Variants in SLC39A10 observed in about 807,000 individuals in gnomAD.
SLC39A10 encodes zinc transporter ZIP10.
A neutral mutation model predicts 65.1 loss-of-function variants in SLC39A10; 13 were observed. The observed-to-expected ratio is 0.20, with a 90% CI of 0.13 to 0.32. The LOEUF is 0.32. SLC39A10 is among the 10% of genes least tolerant of loss of function. The pLI is 1.00. For synonymous variants in SLC39A10, 321 were observed against 342.2 expected (o/e 0.94, Z 0.68); for missense variants, 831 against 1,018.4 (o/e 0.82, Z 2.50).
At chr2:195,684,034 A>C in intron 3 of SLC39A10, 128 bp downstream of exon 3, 1 of 731,424 alleles carries the variant, frequency 1.4e-6, no homozygotes, top group South Asian at 2.0e-5. Context: ...ATATATTTTA[A>C]TCAGGTTTAG....
At chr2:195,645,145 G>A (rs1688888616) in intron 2 of SLC39A10, among the ~76,000 whole-genome samples, 1 of 151,922 alleles carries the variant, frequency 6.6e-6, no homozygotes, top group Non-Finnish European at 1.5e-5. Flanking sequence ...CCGACCTCAG[G>A]TGATCCGCCT....
intron 2 of SLC39A10, among the ~76,000 whole-genome samples, chr2:195,642,038 G>A (rs1175150733): frequency 6.6e-6 from 1 of 152,176 alleles, no homozygotes; most frequent in Non-Finnish European, 1.5e-5. Context: ...AATCTGCAGA[G>A]ATAATATGGG....
At chr2:195,642,554 C>T (rs1688832713) in intron 2 of SLC39A10, among the ~76,000 whole-genome samples, 1 of 152,146 alleles carries the variant, frequency 6.6e-6, no homozygotes, top group Non-Finnish European at 1.5e-5. Flanking sequence ...AAGTCCATGT[C>T]ACCAGTATAC....
Position 195,615,478 on chromosome 2 carries a change from T to A in SLC39A10, c.-12+9245T>A, listed in dbSNP as rs991083259. On this transcript the variant is annotated intron_variant, in intron 2 of 2. Coordinates refer to the SLC39A10 transcript ENST00000458054. ...ATGACCGGCCATCTGGCCAGTTTTT[T>A]AAAAATATACAGGTGTTTAGTTTCC... Among the ~76,000 whole-genome samples the A allele has an allele frequency of 5.9e-5, 9 of 152,166 alleles. No individual in the cohort carries two copies. The South Asian group carries it at 1.2e-3, about 21-fold the overall frequency.
At chr2:195,683,996 T>C (rs1690431401) in intron 3 of SLC39A10, 90 bp downstream of exon 3, 4 of 903,336 alleles carry the variant, frequency 4.4e-6, no homozygotes, top group Non-Finnish European at 6.6e-6. Flanking sequence ...TCCTAAATTA[T>C]TGACTTTCTT....
At chr2:195,704,679 A>G (rs147871642) in intron 3 of SLC39A10, among the ~76,000 whole-genome samples, 97 of 152,292 alleles carry the variant, frequency 6.4e-4, no homozygotes, top group African/African-American at 2.3e-3. Flanking sequence ...ATTTGAGCAT[A>G]TATTTTTTCT....
At chr2:195,684,140 G>A (rs573534150) in intron 3 of SLC39A10, among the ~76,000 whole-genome samples, 36 of 151,972 alleles carry the variant, frequency 2.4e-4, no homozygotes, top group Admixed American at 2.0e-3. Context: ...TGCTATGGAC[G>A]GAGAACTAGA....
intron 1 of SLC39A10, among the ~76,000 whole-genome samples, chr2:195,679,637 T>A (rs1690226659): frequency 1.3e-5 from 2 of 152,202 alleles, no homozygotes; most frequent in African/African-American, 2.4e-5. Flanking sequence ...CAATAATATT[T>A]CTCTCAATAA....
chr2:195,716,363 G>A (rs953106908), intron 6 of SLC39A10, among the ~76,000 whole-genome samples: 7 of 151,850 alleles, frequency 4.6e-5, no homozygotes, highest in Admixed American at 2.6e-4. Context: ...GTTCCCTCCC[G>A]TTGACCTCAT....
At chr2:195,681,158 T>C (rs1385056913) in intron 2 of SLC39A10, 108 bp downstream of exon 2, 9 of 1,045,480 alleles carry the variant, frequency 8.6e-6, no homozygotes, top group Non-Finnish European at 1.2e-5. Context: ...TTTAAACTTA[T>C]TTCCATATGT....
chr2:195,624,483 A>G (rs1300112140), intron 2 of SLC39A10, among the ~76,000 whole-genome samples: 1 of 152,016 alleles, frequency 6.6e-6, no homozygotes, highest in Non-Finnish European at 1.5e-5. Flanking sequence ...GAAGAAAAAA[A>G]GTAATAAAAG....
intron 3 of SLC39A10, among the ~76,000 whole-genome samples, chr2:195,703,259 A>T (rs1005596651): frequency 1.1e-4 from 16 of 152,242 alleles, no homozygotes; most frequent in African/African-American, 3.9e-4. Context: ...AATCACAAGC[A>T]AATAATTTAG....
intron 2 of SLC39A10, among the ~76,000 whole-genome samples, chr2:195,617,791 G>A (rs1042982474): frequency 6.8e-5 from 10 of 148,026 alleles, no homozygotes; most frequent in African/African-American, 2.5e-4. Flanking sequence ...CCAGGCTGGA[G>A]TGCAGTGGCA....
chr2:195,631,052 G>T (rs1234520403), intron 2 of SLC39A10, among the ~76,000 whole-genome samples: 1 of 152,056 alleles, frequency 6.6e-6, no homozygotes, highest in African/African-American at 2.4e-5. Flanking sequence ...AGCCAGGCAC[G>T]GTGGCAGGCA....
At chr2:195,685,275 T>G (rs1690482807) in intron 3 of SLC39A10, among the ~76,000 whole-genome samples, 1 of 152,214 alleles carries the variant, frequency 6.6e-6, no homozygotes, top group Non-Finnish European at 1.5e-5. Context: ...GGTATCACCT[T>G]TGTGATTTTT....
chr2:195,675,887 A>G (rs1036716268), intron 1 of SLC39A10, among the ~76,000 whole-genome samples: 4 of 152,090 alleles, frequency 2.6e-5, no homozygotes, highest in Non-Finnish European at 5.9e-5. Flanking sequence ...CCAGACGCAT[A>G]AGGTAGTTTG....
At chr2:195,665,981 A>G (rs1689620687) in intron 1 of SLC39A10, among the ~76,000 whole-genome samples, 1 of 152,168 alleles carries the variant, frequency 6.6e-6, no homozygotes, top group Non-Finnish European at 1.5e-5. Context: ...ACAATGTGCC[A>G]TTGTAATAAA....
chr2:195,668,026 C>T (rs900964515), intron 1 of SLC39A10, among the ~76,000 whole-genome samples: 2 of 152,206 alleles, frequency 1.3e-5, no homozygotes, highest in Non-Finnish European at 2.9e-5. Flanking sequence ...GGTTAAGGGA[C>T]TTGCTCAAGG....
intron 3 of SLC39A10, among the ~76,000 whole-genome samples, 185 bp from the exon 4 acceptor site, chr2:195,706,431 A>C (rs1017684676): frequency 3.3e-5 from 5 of 151,252 alleles, no homozygotes; most frequent in African/African-American, 1.2e-4. Context: ...AATTCTTTTT[A>C]AAAATGTTTA....
Sources: allele counts gnomAD v4.1 joint callset (sites outside exome capture counted in the v4.1 genomes callset), GRCh38; gene constraint gnomAD v4.1.1; transcripts MANE v1.5; gene names NCBI Gene and HGNC (gene_info 2026-07-23, HGNC 2026-07-21).